Variants in DEAF1 observed in about 807,000 individuals in gnomAD.
The protein encoded by DEAF1 is deformed epidermal autoregulatory factor 1 homolog.
DEAF1 carries 53 observed loss-of-function variants against 58.9 expected under a neutral mutation model. That is an observed-to-expected ratio of 0.90 (90% CI 0.72 to 1.13). The LOEUF (loss-of-function observed/expected upper bound fraction) is 1.13. Among genes scored for constraint, DEAF1 ranks in the 50% most tolerant of loss-of-function variants. The pLI is 0.00. For missense variants in DEAF1, 685 were observed against 791.4 expected (o/e 0.87, Z 1.61); for synonymous variants, 385 against 340.4 (o/e 1.13, Z -1.44).
At chr11:650,944 T>TC (rs766836816) in intron 11 of DEAF1, among the ~76,000 whole-genome samples, 5 of 151,968 alleles carry the variant, frequency 3.3e-5, no homozygotes, top group African/African-American at 7.3e-5. Context: ...AGGTGGAGTG[T>TC]CTATGCTACT....
At chr11:676,919 G>A (rs935205482) in intron 9 of DEAF1, among the ~76,000 whole-genome samples, 2 of 152,178 alleles carry the variant, frequency 1.3e-5, no homozygotes, top group African/African-American at 4.8e-5. Flanking sequence ...CACAGATTTG[G>A]AGCACAAACA....
At chr11:701,698 C>A (rs537107196) in intron 1 of DEAF1, among the ~76,000 whole-genome samples, 3 of 152,162 alleles carry the variant, frequency 2.0e-5, no homozygotes, top group Admixed American at 6.5e-5. Context: ...CGTGAGCCAC[C>A]GCGCCCGGCC....
chr11:678,082 C>T (rs755106023), intron 9 of DEAF1, among the ~76,000 whole-genome samples: 4 of 151,230 alleles, frequency 2.6e-5, no homozygotes, highest in East Asian at 2.0e-4. Context: ...GTCAGGAGTT[C>T]GAGATCTGTA....
chr11:689,190 T>A (rs1315855798), intron 2 of DEAF1, among the ~76,000 whole-genome samples: 1 of 147,368 alleles, frequency 6.8e-6, no homozygotes, highest in African/African-American at 2.5e-5. Flanking sequence ...AACTGTTTCT[T>A]TTTTTCTTTT....
At chr11:681,884 G>A (rs1860390651) in intron 6 of DEAF1, among the ~76,000 whole-genome samples, 1 of 152,114 alleles carries the variant, frequency 6.6e-6, no homozygotes, top group Non-Finnish European at 1.5e-5. Context: ...ACCTCTCCAG[G>A]CAATTTCTGT....
At chr11:660,428 C>T (rs903453302) in intron 10 of DEAF1, among the ~76,000 whole-genome samples, 1 of 152,244 alleles carries the variant, frequency 6.6e-6, no homozygotes, top group South Asian at 2.1e-4. Context: ...ACTGCAAAGC[C>T]ACCTCTGTGC....
In DEAF1 at chr11:688,376, C is replaced by T. The variant is rs200600001; in HGVS notation, c.472G>A (p.Val158Met). The change falls in exon 3 of 12, where the codon GTG (valine) becomes ATG (methionine). Residue 158 changes from valine (V) to methionine (M), a missense_variant. Around this residue, in one of 3 missense-constraint regions of DEAF1, gnomAD observed 132 missense variants for 234.3 expected, o/e 0.56. Coordinates refer to ENST00000382409, the MANE Select transcript of DEAF1 (RefSeq NM_021008.4). This position sits in a 1 kb window ranked among gnomAD's most constrained non-coding sequence, Gnocchi z 4.3. ...LIVVHTDGSIVETTGLKGPAA... is the reference protein window; with the variant it reads ...LIVVHTDGSIMETTGLKGPAA... ...GGGCCTTTCAGCCCGGTGGTCTCCA[C>T]GATGCTCCCATCTGTGTGGACGACA... 1.8e-4 allele frequency: 291 copies of T among 1,613,768 alleles called. No homozygotes were observed. The highest frequency in any genetic ancestry group is 2.2e-4 in the Non-Finnish European group (254 of 1,180,052).
At chr11:694,648 G>T in intron 1 of DEAF1, 111 bp downstream of exon 1, 1 of 1,050,366 alleles carries the variant, frequency 9.5e-7, no homozygotes, top group Non-Finnish European at 1.2e-6. Context: ...CGTGGAGCAG[G>T]TGTGAGGGAC....
At chr11:700,186 G>T, upstream of DEAF1, 1 of 1,614,160 alleles carries the variant, frequency 6.2e-7, no homozygotes, top group Non-Finnish European at 8.5e-7. Context: ...TCAGCGGAAC[G>T]TACTACGCCC....
At chr11:684,293 C>CT (rs1860493351) in intron 6 of DEAF1, among the ~76,000 whole-genome samples, 1 of 152,126 alleles carries the variant, frequency 6.6e-6, no homozygotes, top group Admixed American at 6.5e-5. Flanking sequence ...TGGCACATGC[C>CT]TGTAATCCCA....
At chr11:704,172 TCCTGCCCTGCAAGAGAGCACACCCCA>T in intron 1 of DEAF1, 2 of 1,094,732 alleles carry the variant, frequency 1.8e-6, no homozygotes, top group Non-Finnish European at 2.3e-6. Context: ...TCTCCAGTTC[TCCTGCCCTGCAAGAGAGCACACCCCA>T]CTTGCCAGCT....
rs1859141190 is a variant in DEAF1, at chr11:658,018, T to C, written c.1504-3967A>G. Among the ~76,000 whole-genome samples the C allele has an allele frequency of 2.0e-5, 3 of 152,236 alleles. No homozygotes were observed. The South Asian group carries it at 6.2e-4, about 32-fold the overall frequency. Reference sequence around the variant, plus strand: ...TTTCTCAGCTACAACAGCCATGCCCTGTGGGCTTTGAAGTTACAGAGGGGA... The same window carrying C: ...TTTCTCAGCTACAACAGCCATGCCCCGTGGGCTTTGAAGTTACAGAGGGGA... On this transcript the variant is annotated intron_variant, in intron 10 of 11. Transcript: ENST00000382409.
intron 10 of DEAF1, among the ~76,000 whole-genome samples, chr11:658,608 C>A (rs1859176425): frequency 6.6e-6 from 1 of 152,126 alleles, no homozygotes; most frequent in Non-Finnish European, 1.5e-5. Flanking sequence ...AGTGCCCAGG[C>A]CTGCCCAGGC....
upstream of DEAF1, chr11:700,073 C>T (rs1010368473): frequency 2.2e-6 from 3 of 1,358,166 alleles, no homozygotes; most frequent in Non-Finnish European, 3.1e-6. Flanking sequence ...GAACCAGCCC[C>T]TCTTGTTCAG....
chr11:694,960 C>CCTCAGCCA lies in DEAF1; in HGVS notation c.87_88insTGGCTGAG (p.Ala30TrpfsTer16). 2 of 1,123,944 alleles carry CCTCAGCCA rather than the reference C, an allele frequency of 1.8e-6. No homozygotes were observed. Among genetic ancestry groups the CCTCAGCCA allele is most frequent in the Non-Finnish European group, 2.2e-6 (2 of 918,986 alleles). 69.6% of individuals were successfully genotyped at this position (1,123,944 alleles called of 1,614,324 possible). A position where few individuals can be genotyped will look rare whatever the true frequency, so the allele number is the denominator to read the frequency against. On this transcript the variant is annotated frameshift_variant, in exon 1 of 12. Transcript: ENST00000382409. LOFTEE classifies it high-confidence loss of function. ...TCCGCCTCGCCTCCTGCCGCGGCCG[C>CCTCAGCCA]GGCCGCCGCCGCCACAGCGGCCGCG...
chr11:679,863 C>T (rs751870818), intron 7 of DEAF1, 47 bp from the exon 8 acceptor site: 22 of 1,608,104 alleles, frequency 1.4e-5, no homozygotes, highest in Non-Finnish European at 1.5e-5. Flanking sequence ...GTGGCGCCCA[C>T]GGCACACAGG....
chr11:647,786 G>A (rs755263817), intron 11 of DEAF1, among the ~76,000 whole-genome samples: 2 of 152,218 alleles, frequency 1.3e-5, no homozygotes, highest in African/African-American at 2.4e-5. Context: ...ACCACAGCAC[G>A]TAGGTGACTC....
Position 688,603 on chromosome 11 carries a change from C to A in DEAF1, c.388-143G>T. ...CTCACCTAGGCACCCCATATCTTTT[C>A]CAAAGATACCTCTCAAAGACTTGAA... On this transcript the variant is annotated intron_variant, in intron 2 of 11. Coordinates refer to ENST00000382409, the MANE Select transcript of DEAF1 (RefSeq NM_021008.4). This position sits in a 1 kb window ranked among gnomAD's most constrained non-coding sequence, Gnocchi z 4.3. The A allele has an allele frequency of 1.1e-6, 1 of 920,686 alleles. No homozygotes were observed. Among genetic ancestry groups the A allele is most frequent in the Admixed American group, 2.0e-5 (1 of 49,400 alleles). The allele number at this position is 920,686 out of a possible 1,614,324, so 57.0% of individuals were successfully genotyped here. A position where few individuals can be genotyped will look rare whatever the true frequency, so the allele number is the denominator to read the frequency against.
intron 1 of DEAF1, among the ~76,000 whole-genome samples, chr11:694,267 G>A (rs1860983914): frequency 6.6e-6 from 1 of 150,934 alleles, no homozygotes; most frequent in Admixed American, 6.6e-5. Context: ...GTCAGGTGAG[G>A]CTAGGCAGGT....
Sources: gnomAD v4.1 joint callset for allele counts (sites outside exome capture counted in the v4.1 genomes callset) on GRCh38, gnomAD v4.1.1 for gene constraint, gnomAD v4.1.1 regional missense constraint, Gnocchi (gnomAD v3.1) non-coding constraint, MANE v1.5 for transcripts, NCBI Gene and HGNC (gene_info 2026-07-23, HGNC 2026-07-21) for gene names.